Variants in SUPV3L1 observed in about 807,000 individuals in gnomAD.
The protein encoded by SUPV3L1 is Suv3 like RNA helicase.
In SUPV3L1, 35 loss-of-function variants were observed where a neutral mutation model predicts 70.0. That is an observed-to-expected ratio of 0.50 (90% CI 0.38 to 0.66). The LOEUF (loss-of-function observed/expected upper bound fraction) is 0.66. Among genes scored for constraint, SUPV3L1 ranks in the 30% least tolerant of loss-of-function variants. SUPV3L1 has a pLI of 0.00. For synonymous variants in SUPV3L1, 364 were observed against 341.9 expected (o/e 1.06, Z -0.71); for missense variants, 777 against 961.5 (o/e 0.81, Z 2.54).
chr10:69,180,659 G>T, intron 1 of SUPV3L1, 97 bp downstream of exon 1: 3 of 1,497,010 alleles, frequency 2.0e-6, no homozygotes, highest in Non-Finnish European at 2.7e-6. Context: ...GGGATCCGAG[G>T]TCCCATCGAG....
At chr10:69,206,939 G>A (rs940625670) in intron 13 of SUPV3L1, among the ~76,000 whole-genome samples, 4 of 152,130 alleles carry the variant, frequency 2.6e-5, no homozygotes, top group Non-Finnish European at 5.9e-5. Flanking sequence ...CCCAGGAGGC[G>A]GAGGTTGCAG....
intron 3 of SUPV3L1, among the ~76,000 whole-genome samples, chr10:69,186,888 T>C (rs1202075538): frequency 6.6e-6 from 1 of 151,090 alleles, no homozygotes; most frequent in Non-Finnish European, 1.5e-5. Flanking sequence ...GTTCTTGCTA[T>C]AAAAGAAAAA....
intron 1 of SUPV3L1, chr10:69,182,652 C>T (rs929619704): frequency 3.0e-6 from 3 of 985,330 alleles, no homozygotes; most frequent in Non-Finnish European, 1.2e-6. Context: ...GTCTGTGTGC[C>T]AGGTGATTTT....
At chr10:69,184,813 AT>A (rs1842171768) in intron 1 of SUPV3L1, among the ~76,000 whole-genome samples, 2 of 152,210 alleles carry the variant, frequency 1.3e-5, no homozygotes, top group South Asian at 4.1e-4. Flanking sequence ...TGGTTGGCAC[AT>A]TTGTGAAAGG....
rs1554859064 is a variant in SUPV3L1, at chr10:69,186,325, C to CG, written c.350-118_350-117insG. Reference sequence around the variant, plus strand: ...GATCATAATAAACCAGCTGTACTGCCAAAAAAAAAAAAAAAAAAAGAAAAA... The same window carrying CG: ...GATCATAATAAACCAGCTGTACTGCCGAAAAAAAAAAAAAAAAAAAGAAAAA... On this transcript the variant is annotated intron_variant, in intron 2 of 14. Coordinates refer to ENST00000359655, the MANE Select transcript of SUPV3L1 (RefSeq NM_003171.5). The CG allele has an allele frequency of 9.8e-4, 392 of 400,220 alleles. 3 individuals are homozygous for CG. The Admixed American group carries it at 0.022, about 23-fold the overall frequency. The allele number at this position is 400,220 out of a possible 1,614,324, so 24.8% of individuals were successfully genotyped here.
rs1484775619 is a variant in SUPV3L1, at chr10:69,207,885, A to G, written c.1869A>G (p.Lys623=). Residue 623 remains lysine (K), a synonymous_variant, in exon 14 of 15, where the codon AAA becomes AAG. Coordinates refer to ENST00000359655, the MANE Select transcript of SUPV3L1 (RefSeq NM_003171.5). Reference sequence around the variant, plus strand: ...CTTTACTTCCACCTAAGAATATTAAAGACCTCATGGATCTTGAAGCTGTCC... The same window carrying G: ...CTTTACTTCCACCTAAGAATATTAAGGACCTCATGGATCTTGAAGCTGTCC... ...KWPLLPPKNI[K]DLMDLEAVHD... is the part of the protein sequence containing the mutation. 4.3e-6 allele frequency: 7 copies of G among 1,614,198 alleles called. No individual in the cohort carries two copies. Among genetic ancestry groups the G allele is most frequent in the Non-Finnish European group, 5.9e-6 (7 of 1,180,034 alleles).
chr10:69,205,782 G>A lies in SUPV3L1; in HGVS notation c.1777-2011G>A, dbSNP rs528012962. Among the ~76,000 whole-genome samples, 74 of 152,270 alleles carry A rather than the reference G, an allele frequency of 4.9e-4. 1 individual carries two copies. The highest frequency in any genetic ancestry group is 1.6e-3 in the African/African-American group (66 of 41,562). ...ACTCCTGACCTCAAGTGATCCACCC[G>A]CCTTGGCCTCCCAAAGTGCAGGGAT... On this transcript the variant is annotated intron_variant, in intron 13 of 14. Coordinates refer to ENST00000359655, the MANE Select transcript of SUPV3L1 (RefSeq NM_003171.5).
At chr10:69,204,660 A>G (rs1842775885) in intron 13 of SUPV3L1, among the ~76,000 whole-genome samples, 2 of 151,954 alleles carry the variant, frequency 1.3e-5, no homozygotes, top group African/African-American at 4.8e-5. Flanking sequence ...TGAAATAACT[A>G]CTTGTGTAAG....
rs1842708667 is a variant in SUPV3L1 at position 69,202,458 on chromosome 10, C to T, written c.1538C>T (p.Thr513Ile). 1 of 1,612,928 alleles carries T rather than the reference C, an allele frequency of 6.2e-7. No individual in the cohort carries two copies. ...DPIRAAGLHP[T>I]AEQIEMFAYH... ...TAAAAGGCAGCTGGTCTTCATCCAA[C>T]TGCTGAGCAGATTGAAATGTTTGCC... Residue 513 changes from threonine (T) to isoleucine (I), a missense_variant, in exon 12 of 15, where the codon ACT becomes ATT. This residue lies in a region of SUPV3L1 where 619 missense variants were observed against 823.3 expected (regional missense o/e 0.75). Transcript: ENST00000359655.
In SUPV3L1 at chr10:69,202,459, T is replaced by C. The variant is rs1842708756; in HGVS notation, c.1539T>C (p.Thr513=). The part of the protein sequence containing the change: ...DPIRAAGLHP[T]AEQIEMFAYH... Reference sequence around the variant, plus strand: ...AAAAGGCAGCTGGTCTTCATCCAACTGCTGAGCAGATTGAAATGTTTGCCT... The same window carrying C: ...AAAAGGCAGCTGGTCTTCATCCAACCGCTGAGCAGATTGAAATGTTTGCCT... The change falls in exon 12 of 15, where the codon ACT becomes ACC. Residue 513 remains threonine (T), a synonymous_variant. Coordinates refer to ENST00000359655, the MANE Select transcript of SUPV3L1 (RefSeq NM_003171.5). The C allele has an allele frequency of 1.1e-5, 18 of 1,613,308 alleles. No homozygotes were observed. The highest frequency in any genetic ancestry group is 1.4e-5 in the Non-Finnish European group (17 of 1,179,426).
chr10:69,184,872 G>A (rs1211538313), intron 1 of SUPV3L1, among the ~76,000 whole-genome samples: 8 of 152,210 alleles, frequency 5.3e-5, no homozygotes, highest in African/African-American at 1.9e-4. Flanking sequence ...GGTAAAGGCT[G>A]TGTCCTCATT....
Position 69,199,247 on chromosome 10 carries a change from G to GT in SUPV3L1, c.1298+57dup, listed in dbSNP as rs34810915. ...TGAATATTTGGTGAGTTAAATGGTG[G>GT]TTTTTTTGTTTTTCAGTTTTCTAAT... is the stretch of plus-strand genomic sequence containing the variant. On this transcript the variant is annotated intron_variant, in intron 10 of 14. Transcript: ENST00000359655. The GT allele has an allele frequency of 6.9e-3, 9,709 of 1,412,292 alleles. 561 individuals carry two copies. In the African/African-American group the frequency reaches 0.12, roughly 18 times the overall value. The allele number at this position is 1,412,292 out of a possible 1,614,324, so 87.5% of individuals were successfully genotyped here. A position where few individuals can be genotyped will look rare whatever the true frequency, so the allele number is the denominator to read the frequency against.
chr10:69,187,786 T>C, intron 4 of SUPV3L1, 30 bp downstream of exon 4: 1 of 1,433,232 alleles, frequency 7.0e-7, no homozygotes, highest in Non-Finnish European at 9.6e-7. Context: ...GATTTGAAAT[T>C]TTCAGTTTCT....
At chr10:69,202,742 A>C in intron 12 of SUPV3L1, 125 bp from the exon 13 acceptor site, 4 of 1,126,998 alleles carry the variant, frequency 3.5e-6, no homozygotes, top group Non-Finnish European at 5.1e-6. Flanking sequence ...GAGTGATTAA[A>C]GCAAGCCTTT....
At chr10:69,200,197 T>C (rs2132297039) in intron 10 of SUPV3L1, 83 bp from the exon 11 acceptor site, 1 of 1,123,026 alleles carries the variant, frequency 8.9e-7, no homozygotes, top group East Asian at 2.5e-5. Flanking sequence ...CCTAAGCTAG[T>C]ATTGGAGTGA....
chr10:69,190,095 A>G (rs547176980), intron 5 of SUPV3L1, among the ~76,000 whole-genome samples: 1 of 152,256 alleles, frequency 6.6e-6, no homozygotes, highest in South Asian at 2.1e-4. Context: ...AACCTATTAC[A>G]CCACCTCATC....
intron 6 of SUPV3L1, chr10:69,192,885 A>T (rs1362440324): frequency 6.6e-6 from 1 of 152,078 alleles, no homozygotes; most frequent in Non-Finnish European, 1.5e-5. Flanking sequence ...TTTTATTAAT[A>T]AATTTTTTGT....
intron 9 of SUPV3L1, 76 bp downstream of exon 9, chr10:69,198,628 A>C (rs1271090484): frequency 7.8e-6 from 11 of 1,405,072 alleles, no homozygotes; most frequent in Non-Finnish European, 9.8e-6. Context: ...TATATAAAAA[A>C]ATGGTAAACA....
At chr10:69,193,759 T>C (rs1842464193) in intron 6 of SUPV3L1, among the ~76,000 whole-genome samples, 1 of 152,214 alleles carries the variant, frequency 6.6e-6, no homozygotes, top group Non-Finnish European at 1.5e-5. Flanking sequence ...AAATTAGCTT[T>C]CTTTACTTTC....
Sources: gnomAD v4.1 joint callset for allele counts (sites outside exome capture counted in the v4.1 genomes callset) on GRCh38, gnomAD v4.1.1 for gene constraint, gnomAD v4.1.1 regional missense constraint, MANE v1.5 for transcripts, NCBI Gene and HGNC (gene_info 2026-07-23, HGNC 2026-07-21) for gene names.